MBP: variants seen among roughly 807,000 people sequenced by gnomAD.
MBP encodes myelin basic protein, also known as Golli-MBP.
In MBP, 16 loss-of-function variants were observed where a neutral mutation model predicts 35.8. The ratio of observed to expected loss-of-function variants is 0.45; its 90% CI spans 0.30 to 0.68. MBP has a LOEUF of 0.68. Among genes scored for constraint, MBP ranks in the 30% least tolerant of loss-of-function variants. The probability of loss-of-function intolerance (pLI) is 0.08; values close to 1 mark genes in which losing one functional copy is unlikely to be tolerated. For synonymous variants in MBP, 143 were observed against 159.6 expected, an observed-to-expected ratio of 0.90 and a Z score of 0.78; for missense variants, 380 against 404.7, an observed-to-expected ratio of 0.94 and a Z score of 0.52.
intron 2 of MBP, among the ~76,000 whole-genome samples, chr18:77,079,103 G>T (rs769789892): frequency 6.6e-6 from 1 of 152,258 alleles, no homozygotes; most frequent in African/African-American, 2.4e-5. Flanking sequence ...CAGCCTCAAG[G>T]CTGCAGAGTT....
chr18:76,988,068 T>G lies in MBP; in HGVS notation c.750+427A>C. 6.9e-7 allele frequency: 1 copy of G among 1,448,198 alleles called. No homozygotes were observed. The highest frequency in any genetic ancestry group is 1.8e-4 in the Middle Eastern group (1 of 5,468). The allele number at this position is 1,448,198 out of a possible 1,614,324, so 89.7% of individuals were successfully genotyped here. A position where few individuals can be genotyped will look rare whatever the true frequency, so the allele number is the denominator to read the frequency against. On this transcript the variant is annotated intron_variant, in intron 7 of 8. Transcript: ENST00000355994. The surrounding 1 kb of genome is among the most constrained non-coding windows in gnomAD (Gnocchi z 5.2). ...TTTTCTGTTCATCAGCAGAATCATT[T>G]TCCCAGTGTCAGCATCTGGGGTCAC...
chr18:77,033,399 T>G (rs1282423523), intron 3 of MBP, among the ~76,000 whole-genome samples: 2 of 152,228 alleles, frequency 1.3e-5, no homozygotes, highest in Admixed American at 1.3e-4. Context: ...CATGCATTGC[T>G]CTGATGAGCG....
At chr18:77,058,457 A>T (rs1445698062) in intron 3 of MBP, among the ~76,000 whole-genome samples, 2 of 152,122 alleles carry the variant, frequency 1.3e-5, no homozygotes, top group Non-Finnish European at 2.9e-5. Context: ...GGCCTCCGGC[A>T]GACCCCAGCC....
chr18:77,082,451 G>T (rs1974989967), intron 2 of MBP, among the ~76,000 whole-genome samples: 1 of 152,216 alleles, frequency 6.6e-6, no homozygotes, highest in South Asian at 2.1e-4. Context: ...TGGGGAATAG[G>T]ATGAGGTCGG....
At chr18:77,021,237 G>C (rs1971974236) in intron 3 of MBP, among the ~76,000 whole-genome samples, 2 of 152,092 alleles carry the variant, frequency 1.3e-5, no homozygotes, top group Non-Finnish European at 2.9e-5. Flanking sequence ...GTTTGTACTT[G>C]GTAAGGTTAG....
rs556693910 is a variant in MBP at position 77,031,740 on chromosome 18, C to T, written c.140-14472G>A. ...CTCTTGGCACGAGGAGGGCATTGCC[C>T]GTGCAGCTCTGCTGGCTCTAATGGG... On this transcript the variant is annotated intron_variant, in intron 3 of 8. Coordinates refer to ENST00000355994, the MANE Select transcript of MBP (RefSeq NM_001025101.2). Among the ~76,000 whole-genome samples the T allele has an allele frequency of 3.3e-5, 5 of 152,376 alleles. No homozygotes were observed. The East Asian group carries it at 5.8e-4, about 18-fold the overall frequency.
chr18:77,056,195 C>T (rs764742852), intron 3 of MBP, among the ~76,000 whole-genome samples: 18 of 152,352 alleles, frequency 1.2e-4, no homozygotes, highest in Non-Finnish European at 2.1e-4. Flanking sequence ...TCTCCTGTGC[C>T]TGGCCCGGTG....
At chr18:77,122,628 C>T (rs1324406592) in intron 1 of MBP, among the ~76,000 whole-genome samples, 1 of 152,204 alleles carries the variant, frequency 6.6e-6, no homozygotes, top group Non-Finnish European at 1.5e-5. Flanking sequence ...CTGCAACCTC[C>T]GCCTCCCGGG....
rs1383542563 is a variant in MBP, at chr18:76,979,925, A to G, written c.*502T>C. The G allele has an allele frequency of 4.3e-6, 3 of 702,050 alleles. No individual in the cohort carries two copies. Among genetic ancestry groups the G allele is most frequent in the Non-Finnish European group, 7.8e-6 (3 of 384,830 alleles). The allele number at this position is 702,050 out of a possible 1,614,324, so 43.5% of individuals were successfully genotyped here. ...CTTGACTGTCTAATCCTGTTAGGAA[A>G]AATGAAGTCTACTTTAGGAGGTGAG... On this transcript the variant is annotated 3_prime_UTR_variant, in exon 9 of 9. Transcript: ENST00000355994.
At chr18:77,047,811 T>C (rs1973317982) in intron 3 of MBP, among the ~76,000 whole-genome samples, 1 of 152,226 alleles carries the variant, frequency 6.6e-6, no homozygotes, top group Non-Finnish European at 1.5e-5. Flanking sequence ...TATTTAATAT[T>C]TAATTCCAAA....
intron 2 of MBP, among the ~76,000 whole-genome samples, chr18:77,089,814 G>A (rs1379321468): frequency 2.0e-5 from 3 of 152,224 alleles, no homozygotes; most frequent in Non-Finnish European, 4.4e-5. Flanking sequence ...ATATCTGCAG[G>A]AGGTGATGAG....
At chr18:77,013,211 C>T (rs1971446526) in intron 4 of MBP, 4 of 985,288 alleles carry the variant, frequency 4.1e-6, no homozygotes, top group East Asian at 1.1e-4. Flanking sequence ...AATCTGTGGC[C>T]AAATCTCTTA....
Position 77,020,672 on chromosome 18 carries a change from G to C in MBP, c.140-3404C>G, listed in dbSNP as rs1236677594. On this transcript the variant is annotated intron_variant, in intron 3 of 8. Coordinates refer to ENST00000355994, the MANE Select transcript of MBP (RefSeq NM_001025101.2). This position sits in a 1 kb window ranked among gnomAD's most constrained non-coding sequence, Gnocchi z 4.1. ...CGGGGCTGGTCTCATAGGCTGCCTC[G>C]CTTGGTGCCACCAAGATTCCAGCCT... Among the ~76,000 whole-genome samples, 1 of 152,190 alleles carries C rather than the reference G, an allele frequency of 6.6e-6. No individual in the cohort carries two copies. Among genetic ancestry groups the C allele is most frequent in the South Asian group, 2.1e-4 (1 of 4,828 alleles).
chr18:77,122,873 A>T (rs185911583), intron 1 of MBP, among the ~76,000 whole-genome samples: 59 of 152,326 alleles, frequency 3.9e-4, no homozygotes, highest in African/African-American at 1.4e-3. Context: ...TAATTCTGCC[A>T]GTTCTAGTCG....
rs3214873 is a variant in MBP at position 77,098,168 on chromosome 18, C to CTTTTTTTTT, written c.51+7034_51+7042dup. On this transcript the variant is annotated intron_variant, in intron 2 of 8. Transcript: ENST00000355994. ...TTCTGAGGACAGACACAAGGACTTC[C>CTTTTTTTTT]TTTTTTTTTTTTTTTTTTTTTACAA... is the stretch of plus-strand genomic sequence containing the variant. 6.5e-3 allele frequency among the ~76,000 whole-genome samples: 700 copies of CTTTTTTTTT among 108,468 alleles called. 33 individuals carry two copies. The highest frequency in any genetic ancestry group is 0.042 in the East Asian group (129 of 3,106). The allele number at this position is 108,468 out of a possible 152,430, so 71.2% of individuals were successfully genotyped here.
intron 8 of MBP, chr18:76,981,897 G>C (rs889013810): frequency 6.6e-6 from 1 of 152,236 alleles, no homozygotes; most frequent in African/African-American, 2.4e-5. Flanking sequence ...GGACTTCCTG[G>C]AAAGTGGTAG....
At chr18:77,099,127 A>AT (rs1025247587) in intron 2 of MBP, among the ~76,000 whole-genome samples, 10 of 152,098 alleles carry the variant, frequency 6.6e-5, no homozygotes, top group African/African-American at 1.4e-4. Context: ...GTAATTTACA[A>AT]TTTTTTCTGA....
chr18:77,048,531 T>C (rs1973348535), intron 3 of MBP, among the ~76,000 whole-genome samples: 1 of 144,298 alleles, frequency 6.9e-6, no homozygotes, highest in Admixed American at 7.1e-5. Flanking sequence ...TGCAATGGTG[T>C]GATCTTGGCT....
At chr18:77,010,660 A>C (rs1971293248) in intron 4 of MBP, among the ~76,000 whole-genome samples, 1 of 152,222 alleles carries the variant, frequency 6.6e-6, no homozygotes, top group Non-Finnish European at 1.5e-5. Flanking sequence ...CAGGAAGTTA[A>C]TCTTCCTCAG....
Sources: gnomAD v4.1 joint callset for allele counts (sites outside exome capture counted in the v4.1 genomes callset) on GRCh38, gnomAD v4.1.1 for gene constraint, Gnocchi (gnomAD v3.1) non-coding constraint, MANE v1.5 for transcripts, NCBI Gene and HGNC (gene_info 2026-07-23, HGNC 2026-07-21) for gene names.